The following BRINP3 variants were observed in gnomAD, a reference collection of about 807,000 sequenced individuals.
The protein encoded by BRINP3 is BMP/retinoic acid-inducible neural-specific protein 3.
A neutral mutation model predicts 71.0 loss-of-function variants in BRINP3; 19 were observed. The observed-to-expected ratio is 0.27, with a 90% confidence interval of 0.19 to 0.39. The LOEUF (loss-of-function observed/expected upper bound fraction) is 0.39, where lower values mean the gene tolerates loss of function less well. Among genes scored for constraint, BRINP3 ranks in the 10% least tolerant of loss-of-function variants. The pLI is 1.00. For missense variants in BRINP3, 959 were observed against 940.8 expected (o/e 1.02, Z -0.25); for synonymous variants, 380 against 337.7 (o/e 1.13, Z -1.37).
intron 2 of BRINP3, among the ~76,000 whole-genome samples, chr1:190,320,207 A>C (rs1666145724): frequency 6.6e-6 from 1 of 152,134 alleles, no homozygotes; most frequent in African/African-American, 2.4e-5. Context: ...ATAAATACCC[A>C]AAACACTCCT....
chr1:190,187,940 A>C (rs1373569711), intron 6 of BRINP3, among the ~76,000 whole-genome samples: 2 of 151,836 alleles, frequency 1.3e-5, no homozygotes, highest in Non-Finnish European at 2.9e-5. Flanking sequence ...TTTGATAAGA[A>C]TTGGATTTAA....
At chr1:190,245,345 T>C (rs921110288) in intron 4 of BRINP3, among the ~76,000 whole-genome samples, 3 of 151,350 alleles carry the variant, frequency 2.0e-5, no homozygotes, top group Non-Finnish European at 4.4e-5. Flanking sequence ...TCAGCAGTAA[T>C]ATGACATTAA....
chr1:190,407,961 A>G (rs1053255365), intron 2 of BRINP3, among the ~76,000 whole-genome samples: 1 of 147,080 alleles, frequency 6.8e-6, no homozygotes, highest in African/African-American at 2.5e-5. Flanking sequence ...TGTCTTTTAT[A>G]TTCCATGACG....
rs1667363664 is a variant in BRINP3 at position 190,337,445 on chromosome 1, C to T, written c.237-55695G>A. 2.0e-5 allele frequency among the ~76,000 whole-genome samples: 3 copies of T among 152,136 alleles called. No homozygotes were observed. The South Asian group carries it at 6.2e-4, about 32-fold the overall frequency. ...CAGACCCACCCTCAATTTGGGTGGG[C>T]ACCATCTAATCAGCTGCCAGCATGG... On this transcript the variant is annotated intron_variant, in intron 2 of 7. Coordinates refer to ENST00000367462, the MANE Select transcript of BRINP3 (RefSeq NM_199051.3).
intron 2 of BRINP3, among the ~76,000 whole-genome samples, chr1:190,422,015 C>T (rs951807771): frequency 6.6e-6 from 1 of 151,728 alleles, no homozygotes; most frequent in Non-Finnish European, 1.5e-5. Flanking sequence ...CTTTCCTGTC[C>T]AAGTTTCCCA....
intron 2 of BRINP3, among the ~76,000 whole-genome samples, chr1:190,282,709 C>T (rs1663130757): frequency 6.6e-6 from 1 of 151,864 alleles, no homozygotes; most frequent in Non-Finnish European, 1.5e-5. Flanking sequence ...ACTGATGAGA[C>T]CCACACTGTC....
chr1:190,469,462 T>C lies in BRINP3; in HGVS notation c.-51+7986A>G, dbSNP rs570278040. 2.6e-5 allele frequency among the ~76,000 whole-genome samples: 4 copies of C among 151,216 alleles called. No homozygotes were observed. In the East Asian group the frequency reaches 7.7e-4, roughly 29 times the overall value. On this transcript the variant is annotated intron_variant, in intron 1 of 7. Coordinates refer to ENST00000367462, the MANE Select transcript of BRINP3 (RefSeq NM_199051.3). ...ATGTTAAGAAAGCAAGCATTAATTA[T>C]CTTAAAATAGTATTTTGTGCAACTT...
At chr1:190,456,556 CT>C (rs1291802963) in intron 1 of BRINP3, among the ~76,000 whole-genome samples, 13 of 151,710 alleles carry the variant, frequency 8.6e-5, no homozygotes, top group Non-Finnish European at 1.6e-4. Context: ...TTCAAATTTG[CT>C]GAAAAAATAT....
chr1:190,357,251 G>A (rs188103518), intron 2 of BRINP3, among the ~76,000 whole-genome samples: 5 of 152,004 alleles, frequency 3.3e-5, no homozygotes, highest in South Asian at 2.1e-4. Context: ...GAAATTGACC[G>A]CCTTGAGTGA....
intron 2 of BRINP3, among the ~76,000 whole-genome samples, chr1:190,438,938 C>T (rs1314158582): frequency 6.6e-6 from 1 of 151,876 alleles, no homozygotes; most frequent in Non-Finnish European, 1.5e-5. Flanking sequence ...GAAAGATATT[C>T]CACTAGTATT....
chr1:190,432,855 G>A (rs1674191012), intron 2 of BRINP3, among the ~76,000 whole-genome samples: 1 of 152,110 alleles, frequency 6.6e-6, no homozygotes, highest in South Asian at 2.1e-4. Flanking sequence ...GGTCATATAT[G>A]TTATTTGGGA....
chr1:190,469,363 A>T (rs1676976907), intron 1 of BRINP3, among the ~76,000 whole-genome samples: 3 of 151,062 alleles, frequency 2.0e-5, no homozygotes, highest in Admixed American at 2.0e-4. Context: ...ACTCAAGTAT[A>T]GTCATTTAAT....
At chr1:190,403,093 A>G (rs540718713) in intron 2 of BRINP3, among the ~76,000 whole-genome samples, 43 of 152,298 alleles carry the variant, frequency 2.8e-4, no homozygotes, top group African/African-American at 1.0e-3. Context: ...CTTATATTTA[A>G]TTGTCTTAAA....
intron 2 of BRINP3, among the ~76,000 whole-genome samples, chr1:190,378,768 C>T (rs535050598): frequency 4.1e-4 from 63 of 152,240 alleles, no homozygotes; most frequent in African/African-American, 1.5e-3. Flanking sequence ...CCCTCCAATG[C>T]AACAGTGAGT....
At position 190,454,732 on chromosome 1, in the gene BRINP3, G is replaced by C; in HGVS notation, c.159C>G (p.Pro53=). 1 of 1,614,128 alleles carries C rather than the reference G, an allele frequency of 6.2e-7. No homozygotes were observed. The highest frequency in any genetic ancestry group is 1.1e-5 in the South Asian group (1 of 91,072). Residue 53 remains proline (P), a synonymous_variant, in exon 2 of 8, where the codon CCC becomes CCG. Transcript: ENST00000367462. ...CTGTGTATTCCTGTGAGCGATGGAA[G>C]GGTCCCTTATCAGAGAGGAGCCAGT... ...PFDWLLSDKG[P]FHRSQEYTDF...
intron 2 of BRINP3, among the ~76,000 whole-genome samples, chr1:190,361,338 T>C (rs949196522): frequency 1.5e-5 from 2 of 134,962 alleles, no homozygotes; most frequent in Non-Finnish European, 3.3e-5. Flanking sequence ...GTGTAGATCA[T>C]ATAAGAAATA....
chr1:190,207,594 G>A (rs1655621511), intron 6 of BRINP3, among the ~76,000 whole-genome samples: 1 of 152,114 alleles, frequency 6.6e-6, no homozygotes, highest in African/African-American at 2.4e-5. Flanking sequence ...CTATGTGCAT[G>A]CTATATAGGT....
intron 2 of BRINP3, among the ~76,000 whole-genome samples, chr1:190,305,073 A>G (rs2103008892): frequency 6.6e-6 from 1 of 152,076 alleles, no homozygotes; most frequent in East Asian, 1.9e-4. Flanking sequence ...ATATCACCTC[A>G]CTCCAGTTAG....
chr1:190,251,749 TG>T (rs1484864436), intron 4 of BRINP3, among the ~76,000 whole-genome samples: 2 of 151,822 alleles, frequency 1.3e-5, no homozygotes, highest in African/African-American at 2.4e-5. Context: ...AATGCAAAGA[TG>T]TTTTTTGCAT....
Sources: gnomAD v4.1 joint callset for allele counts (sites outside exome capture counted in the v4.1 genomes callset) on GRCh38, gnomAD v4.1.1 for gene constraint, MANE v1.5 for transcripts, NCBI Gene and HGNC (gene_info 2026-07-23, HGNC 2026-07-21) for gene names.